SLIT3: variants seen among roughly 807,000 people sequenced by gnomAD.
SLIT3 encodes the protein slit homolog 3 protein.
In SLIT3, 68 loss-of-function variants were observed where a neutral mutation model predicts 184.0. The ratio of observed to expected loss-of-function variants is 0.37; its 90% CI spans 0.30 to 0.45. SLIT3 has a LOEUF of 0.45. SLIT3 is among the 20% of genes least tolerant of loss of function. SLIT3 has a pLI of 1.00. For missense variants in SLIT3, 1,707 were observed against 2,026.0 expected, an observed-to-expected ratio of 0.84 and a Z score of 3.02; for synonymous variants, 831 against 828.6, an observed-to-expected ratio of 1.00 and a Z score of -0.05.
Position 169,170,175 on chromosome 5 carries a change from G to A in SLIT3, c.413+23304C>T, listed in dbSNP as rs544092132. On this transcript the variant is annotated intron_variant, in intron 4 of 35. Transcript: ENST00000519560. Reference sequence around the variant, plus strand: ...CACCCACATTTGAACACCTCATGCCGCCTCCACACCCACTGGCTTTCAGAT... The same window carrying A: ...CACCCACATTTGAACACCTCATGCCACCTCCACACCCACTGGCTTTCAGAT... Among the ~76,000 whole-genome samples, 7 of 152,176 alleles carry A rather than the reference G, an allele frequency of 4.6e-5. No individual in the cohort carries two copies. In the South Asian group the frequency reaches 6.2e-4, roughly 14 times the overall value.
rs1434521602 is a variant in SLIT3, at chr5:168,664,349, G to A, written c.*2105C>T. The A allele has an allele frequency of 1.3e-5, 2 of 152,182 alleles. No homozygotes were observed. Among genetic ancestry groups the A allele is most frequent in the Non-Finnish European group, 1.5e-5 (1 of 68,040 alleles). 9.4% of individuals were successfully genotyped at this position (152,182 alleles called of 1,614,324 possible). ...GCTATGATCGAACCACTCTACTCCA[G>A]CCTGGGTGACAAAGCAAGACCTTGT... On this transcript the variant is annotated 3_prime_UTR_variant, in exon 36 of 36. Transcript: ENST00000519560.
At chr5:169,026,479 G>C (rs1286889162) in intron 4 of SLIT3, 1 of 152,152 alleles carries the variant, frequency 6.6e-6, no homozygotes, top group African/African-American at 2.4e-5. Flanking sequence ...TGTGAACTAA[G>C]TGAATCATGA....
chr5:169,265,240 C>T (rs1766352942), intron 1 of SLIT3, among the ~76,000 whole-genome samples: 1 of 152,174 alleles, frequency 6.6e-6, no homozygotes, highest in Non-Finnish European at 1.5e-5. Flanking sequence ...ACTGGTAGCC[C>T]ACCGGTGAGT....
At chr5:168,866,227 C>T (rs1047080161) in intron 5 of SLIT3, among the ~76,000 whole-genome samples, 1 of 152,204 alleles carries the variant, frequency 6.6e-6, no homozygotes, top group Admixed American at 6.5e-5. Flanking sequence ...AGCTTGTAGG[C>T]CACTCACAGG....
intron 3 of SLIT3, among the ~76,000 whole-genome samples, chr5:169,203,351 GCACACACA>G (rs36206656): frequency 2.3e-3 from 339 of 147,526 alleles, no homozygotes; most frequent in South Asian, 0.012. Context: ...ATGTGAATGT[GCACACACA>G]CACACACACA....
At chr5:168,692,342 A>C (rs1239588502) in intron 29 of SLIT3, among the ~76,000 whole-genome samples, 1 of 152,150 alleles carries the variant, frequency 6.6e-6, no homozygotes, top group Non-Finnish European at 1.5e-5. Context: ...AGGGAAGAGA[A>C]AGAGTGGATC....
At chr5:169,040,650 A>G (rs1757416382) in intron 4 of SLIT3, among the ~76,000 whole-genome samples, 1 of 152,156 alleles carries the variant, frequency 6.6e-6, no homozygotes, top group South Asian at 2.1e-4. Flanking sequence ...TGGCATCTCA[A>G]TTACTCCTCC....
chr5:169,157,753 T>C (rs1762358008), intron 4 of SLIT3, among the ~76,000 whole-genome samples: 1 of 152,074 alleles, frequency 6.6e-6, no homozygotes, highest in Non-Finnish European at 1.5e-5. Flanking sequence ...AAAACAGCCA[T>C]GCTAGAAATG....
At chr5:168,864,868 G>A (rs1759241528) in intron 5 of SLIT3, among the ~76,000 whole-genome samples, 1 of 152,170 alleles carries the variant, frequency 6.6e-6, no homozygotes, top group South Asian at 2.1e-4. Context: ...TTTGGTCATT[G>A]TAGCAATATT....
At chr5:168,943,264 G>A (rs1386712828) in intron 4 of SLIT3, among the ~76,000 whole-genome samples, 1 of 152,140 alleles carries the variant, frequency 6.6e-6, no homozygotes, top group African/African-American at 2.4e-5. Context: ...GCTCCATGGT[G>A]TTGTCTGCAT....
intron 4 of SLIT3, among the ~76,000 whole-genome samples, chr5:169,128,285 T>C (rs35320803): frequency 0.21 from 31,711 of 147,784 alleles, 4,041 homozygotes; most frequent in Non-Finnish European, 0.3. Context: ...TATATATATA[T>C]ATATAATTTA....
chr5:169,141,727 A>G (rs1581452182), intron 4 of SLIT3, among the ~76,000 whole-genome samples: 1 of 145,536 alleles, frequency 6.9e-6, no homozygotes, highest in Non-Finnish European at 1.5e-5. Flanking sequence ...TGGCAGAGTG[A>G]GACTCTGTCT....
At chr5:169,232,276 G>A (rs1170173720) in intron 3 of SLIT3, among the ~76,000 whole-genome samples, 6 of 152,112 alleles carry the variant, frequency 3.9e-5, no homozygotes, top group Non-Finnish European at 5.9e-5. Context: ...CCAGACTAGG[G>A]TGCAGTGGTG....
intron 4 of SLIT3, among the ~76,000 whole-genome samples, chr5:169,176,031 G>C (rs889140658): frequency 6.6e-6 from 1 of 152,134 alleles, no homozygotes; most frequent in African/African-American, 2.4e-5. Flanking sequence ...TGGCTTTTCT[G>C]TTGTTGTTTG....
chr5:169,288,007 C>T (rs1250416810), intron 1 of SLIT3, among the ~76,000 whole-genome samples: 1 of 152,210 alleles, frequency 6.6e-6, no homozygotes, highest in Non-Finnish European at 1.5e-5. Context: ...TATTCCAAAT[C>T]CCCCTCCCTC....
At chr5:169,033,810 ATTTTTTTT>A (rs568929106) in intron 4 of SLIT3, among the ~76,000 whole-genome samples, 2 of 116,148 alleles carry the variant, frequency 1.7e-5, no homozygotes, top group African/African-American at 6.7e-5. Context: ...CTATTGTATG[ATTTTTTTT>A]TTTTTTTTTT....
chr5:169,080,143 A>G (rs1758968700), intron 4 of SLIT3, among the ~76,000 whole-genome samples: 1 of 151,966 alleles, frequency 6.6e-6, no homozygotes, highest in Admixed American at 6.6e-5. Flanking sequence ...ACTAGGAGGA[A>G]ACATCAAGGC....
At chr5:169,071,189 C>T (rs374887553) in intron 4 of SLIT3, among the ~76,000 whole-genome samples, 160 of 152,294 alleles carry the variant, frequency 1.1e-3, no homozygotes, top group African/African-American at 3.5e-3. Flanking sequence ...GGGGTTATCA[C>T]GATCAAAACA....
intron 20 of SLIT3, among the ~76,000 whole-genome samples, chr5:168,735,834 G>A (rs988480801): frequency 6.6e-6 from 1 of 151,948 alleles, no homozygotes; most frequent in African/African-American, 2.4e-5. Flanking sequence ...ATTCTTCCTG[G>A]ATTCCTGCAT....
Sources: gnomAD v4.1 joint callset for allele counts (sites outside exome capture counted in the v4.1 genomes callset) on GRCh38, gnomAD v4.1.1 for gene constraint, MANE v1.5 for transcripts, NCBI Gene and HGNC (gene_info 2026-07-23, HGNC 2026-07-21) for gene names.